The following CDK13 variants were observed in gnomAD, a reference collection of about 807,000 sequenced individuals.
CDK13 encodes cyclin-dependent kinase 13.
A neutral mutation model predicts 137.6 loss-of-function variants in CDK13; 40 were observed. That is an observed-to-expected ratio of 0.29 (90% confidence interval 0.23 to 0.38). The LOEUF (loss-of-function observed/expected upper bound fraction) is 0.38. CDK13 is among the 10% of genes least tolerant of loss of function. The pLI is 1.00. For synonymous variants in CDK13, 869 were observed against 760.1 expected (o/e 1.14, Z -2.36); for missense variants, 1,704 against 1,951.8 (o/e 0.87, Z 2.39).
chr7:40,022,333 T>C (rs1785145089), intron 5 of CDK13, among the ~76,000 whole-genome samples: 1 of 152,220 alleles, frequency 6.6e-6, no homozygotes, highest in Admixed American at 6.5e-5. Flanking sequence ...TATCAATTTT[T>C]AGGTTTCCTA....
At chr7:40,075,697 A>G (rs1584074811) in intron 9 of CDK13, among the ~76,000 whole-genome samples, 1 of 152,196 alleles carries the variant, frequency 6.6e-6, no homozygotes, top group Non-Finnish European at 1.5e-5. Flanking sequence ...TTCATTATAC[A>G]TAGGCAAAGT....
chr7:40,028,823 A>G (rs757990221), intron 5 of CDK13, among the ~76,000 whole-genome samples: 27 of 151,746 alleles, frequency 1.8e-4, no homozygotes, highest in Non-Finnish European at 3.8e-4. Flanking sequence ...ATGCAAATAT[A>G]TATAAATATA....
chr7:40,065,204 G>A (rs929455028), intron 9 of CDK13, among the ~76,000 whole-genome samples: 2 of 151,744 alleles, frequency 1.3e-5, no homozygotes, highest in Admixed American at 6.6e-5. Context: ...ATTAATAGAG[G>A]AAGGAACTCC....
rs764054206 is a variant in CDK13, at chr7:40,046,042, T to C, written c.2543+17T>C. ...AAATAATAGGTATGGGTATGAACTT[T>C]ATATATATTTAAAATGAGTTTTACC... On this transcript the variant is annotated intron_variant, in intron 6 of 13. Transcript: ENST00000181839. 5.1e-6 allele frequency: 7 copies of C among 1,381,086 alleles called. No individual in the cohort carries two copies. Among genetic ancestry groups the C allele is most frequent in the Non-Finnish European group, 7.1e-6 (7 of 989,918 alleles). The allele number at this position is 1,381,086 out of a possible 1,614,324, so 85.6% of individuals were successfully genotyped here. A position where few individuals can be genotyped will look rare whatever the true frequency, so the allele number is the denominator to read the frequency against.
At chr7:39,959,653 C>A (rs1787546000) in intron 1 of CDK13, among the ~76,000 whole-genome samples, 1 of 151,994 alleles carries the variant, frequency 6.6e-6, no homozygotes, top group Non-Finnish European at 1.5e-5. Flanking sequence ...TTGGTAGAGA[C>A]AGCGTTTCAC....
At chr7:40,003,107 G>T (rs777350465) in intron 5 of CDK13, among the ~76,000 whole-genome samples, 6 of 145,604 alleles carry the variant, frequency 4.1e-5, no homozygotes, top group Non-Finnish European at 9.0e-5. Flanking sequence ...ATTAAAGTAG[G>T]TATGTTCTGA....
intron 1 of CDK13, among the ~76,000 whole-genome samples, chr7:39,973,465 G>T (rs1329232698): frequency 6.6e-6 from 1 of 152,076 alleles, no homozygotes; most frequent in South Asian, 2.1e-4. Context: ...TTGGGCTGTC[G>T]TCTTATTATA....
chr7:40,034,794 C>T (rs565586237), intron 5 of CDK13, among the ~76,000 whole-genome samples: 1 of 152,268 alleles, frequency 6.6e-6, no homozygotes, highest in African/African-American at 2.4e-5. Flanking sequence ...TGTTGTCAGT[C>T]TGGTAGAAGA....
At chr7:39,995,253 T>C (rs1379404207) in intron 2 of CDK13, among the ~76,000 whole-genome samples, 1 of 152,208 alleles carries the variant, frequency 6.6e-6, no homozygotes, top group African/African-American at 2.4e-5. Flanking sequence ...ACATTTAATA[T>C]AGATAGTCTT....
chr7:40,018,726 A>G (rs550813366), intron 5 of CDK13, among the ~76,000 whole-genome samples: 3 of 152,280 alleles, frequency 2.0e-5, no homozygotes, highest in African/African-American at 4.8e-5. Context: ...AATACATTCA[A>G]AGTGGTATAA....
At chr7:39,986,939 C>T (rs909995404) in intron 1 of CDK13, 1 of 152,156 alleles carries the variant, frequency 6.6e-6, no homozygotes, top group East Asian at 1.9e-4. Context: ...AGGCGTGTGC[C>T]ACCATGCCGG....
intron 5 of CDK13, among the ~76,000 whole-genome samples, chr7:40,023,011 ATCT>A (rs1279376045): frequency 6.6e-6 from 1 of 151,902 alleles, no homozygotes; most frequent in Non-Finnish European, 1.5e-5. Context: ...GAACTGTTAA[ATCT>A]TGTTTCTGAA....
At position 40,089,723 on chromosome 7, in the gene CDK13, A is replaced by C. The variant is rs11763568; in HGVS notation, c.3235+1392A>C. Among the ~76,000 whole-genome samples, 433 of 125,222 alleles carry C rather than the reference A, an allele frequency of 3.5e-3. 3 individuals are homozygous for C. Among genetic ancestry groups the C allele is most frequent in the African/African-American group, 0.018 (399 of 22,492 alleles). 82.2% of individuals were successfully genotyped at this position (125,222 alleles called of 152,430 possible). ...TAGAGAGAGAGAGAGAGAGAGAGAG[A>C]GTGTGTGTGTGTGTGTGTGTGTGTG... On this transcript the variant is annotated intron_variant, in intron 12 of 13. Transcript: ENST00000181839.
chr7:40,052,208 A>C (rs1024920845), intron 7 of CDK13, among the ~76,000 whole-genome samples: 27 of 152,246 alleles, frequency 1.8e-4, no homozygotes, highest in Admixed American at 1.2e-3. Flanking sequence ...ACGGAGTCTC[A>C]CTCTGTCACT....
At chr7:40,003,791 G>T (rs191474108) in intron 5 of CDK13, among the ~76,000 whole-genome samples, 1 of 152,038 alleles carries the variant, frequency 6.6e-6, no homozygotes, top group East Asian at 1.9e-4. Context: ...AAGCTTGACA[G>T]ACACACACAT....
rs1370632169 is a variant in CDK13, at chr7:39,950,608, C to T, written c.-34C>T. ...CAGGATCTGACCCGGGAGGAGGCCGCACCCGCGCCGCGCTCTGCGGCTGGC... is the reference window on the plus strand; with the variant it reads ...CAGGATCTGACCCGGGAGGAGGCCGTACCCGCGCCGCGCTCTGCGGCTGGC... On this transcript the variant is annotated 5_prime_UTR_variant, in exon 1 of 14. Coordinates refer to ENST00000181839, the MANE Select transcript of CDK13 (RefSeq NM_003718.5). 7.7e-6 allele frequency: 10 copies of T among 1,290,342 alleles called. No homozygotes were observed. The highest frequency in any genetic ancestry group is 8.8e-6 in the Non-Finnish European group (9 of 1,019,656). 79.9% of individuals were successfully genotyped at this position (1,290,342 alleles called of 1,614,324 possible).
intron 1 of CDK13, among the ~76,000 whole-genome samples, chr7:39,972,442 A>T (rs1249894977): frequency 6.6e-6 from 1 of 152,216 alleles, no homozygotes; most frequent in Non-Finnish European, 1.5e-5. Flanking sequence ...CTCCAGAGAG[A>T]AACTCCATGG....
At chr7:40,063,622 AT>A (rs1786205658) in intron 9 of CDK13, among the ~76,000 whole-genome samples, 1 of 151,952 alleles carries the variant, frequency 6.6e-6, no homozygotes, top group South Asian at 2.1e-4. Context: ...TTACTCATAC[AT>A]TTTAGTCGCT....
At chr7:40,029,580 C>T (rs1785321048) in intron 5 of CDK13, among the ~76,000 whole-genome samples, 1 of 150,186 alleles carries the variant, frequency 6.7e-6, no homozygotes, top group Non-Finnish European at 1.5e-5. Context: ...ATTAGCTGGG[C>T]GTGATGGCGC....
Sources: allele counts gnomAD v4.1 joint callset (sites outside exome capture counted in the v4.1 genomes callset), GRCh38; gene constraint gnomAD v4.1.1; transcripts MANE v1.5; gene names NCBI Gene and HGNC (gene_info 2026-07-23, HGNC 2026-07-21).